The following UNC5D variants were observed in gnomAD, a reference collection of about 807,000 sequenced individuals.
UNC5D encodes the protein netrin receptor UNC5D.
UNC5D carries 39 observed loss-of-function variants against 105.4 expected under a neutral mutation model. The ratio of observed to expected loss-of-function variants is 0.37; its 90% confidence interval spans 0.29 to 0.48. UNC5D has a LOEUF of 0.48. Among genes scored for constraint, UNC5D ranks in the 20% least tolerant of loss-of-function variants. The pLI, the probability that UNC5D is intolerant of heterozygous loss-of-function variation, is 0.98. For synonymous variants in UNC5D, 452 were observed against 450.4 expected, an observed-to-expected ratio of 1.00 and a Z score of -0.04; for missense variants, 991 against 1,202.4, an observed-to-expected ratio of 0.82 and a Z score of 2.60.
At chr8:35,349,077 T>G (rs894326406) in intron 1 of UNC5D, among the ~76,000 whole-genome samples, 1 of 151,932 alleles carries the variant, frequency 6.6e-6, no homozygotes, top group African/African-American at 2.4e-5. Flanking sequence ...ATTCTCATAT[T>G]TGGTTCTGCA....
intron 2 of UNC5D, among the ~76,000 whole-genome samples, chr8:35,557,960 C>T (rs960347914): frequency 2.0e-5 from 3 of 151,900 alleles, no homozygotes; most frequent in South Asian, 4.2e-4. Flanking sequence ...GGTGAAACCC[C>T]GTCTCTACCA....
chr8:35,357,727 A>G (rs1801639573), intron 1 of UNC5D, among the ~76,000 whole-genome samples: 1 of 152,182 alleles, frequency 6.6e-6, no homozygotes. Flanking sequence ...AGCCCCCACC[A>G]TGAAGAATCA....
At chr8:35,669,299 C>G (rs1357282894) in intron 4 of UNC5D, among the ~76,000 whole-genome samples, 1 of 151,846 alleles carries the variant, frequency 6.6e-6, no homozygotes, top group Non-Finnish European at 1.5e-5. Context: ...CTCTCTTTTT[C>G]TCTTTCTTCA....
chr8:35,583,125 G>A (rs965397651), intron 3 of UNC5D, among the ~76,000 whole-genome samples: 1 of 152,222 alleles, frequency 6.6e-6, no homozygotes, highest in African/African-American at 2.4e-5. Flanking sequence ...GCTAAGGCAG[G>A]AAGATTACTT....
intron 1 of UNC5D, among the ~76,000 whole-genome samples, chr8:35,440,980 C>A (rs1427452939): frequency 6.6e-6 from 1 of 151,904 alleles, no homozygotes; most frequent in Non-Finnish European, 1.5e-5. Flanking sequence ...TAGTAAGAGT[C>A]TGCATTTTAT....
intron 10 of UNC5D, among the ~76,000 whole-genome samples, chr8:35,730,704 A>G (rs772441285): frequency 2.0e-5 from 3 of 152,138 alleles, no homozygotes; most frequent in Non-Finnish European, 4.4e-5. Flanking sequence ...GCATTCTCAG[A>G]TATGTTTAAT....
intron 4 of UNC5D, among the ~76,000 whole-genome samples, chr8:35,637,682 G>A: frequency 6.6e-6 from 1 of 152,150 alleles, no homozygotes; most frequent in East Asian, 1.9e-4. Flanking sequence ...GGAGGATTCA[G>A]CCTGCTCTGT....
chr8:35,661,174 G>A (rs1330085624), intron 4 of UNC5D, among the ~76,000 whole-genome samples: 1 of 152,050 alleles, frequency 6.6e-6, no homozygotes, highest in Non-Finnish European at 1.5e-5. Flanking sequence ...CAAGAACAGT[G>A]CTATACATAT....
intron 1 of UNC5D, among the ~76,000 whole-genome samples, chr8:35,454,313 A>G (rs899434922): frequency 6.6e-6 from 1 of 152,178 alleles, no homozygotes; most frequent in Non-Finnish European, 1.5e-5. Flanking sequence ...CACCTCATGC[A>G]GAGATGCAGG....
intron 1 of UNC5D, among the ~76,000 whole-genome samples, chr8:35,342,553 C>T (rs908480027): frequency 1.3e-5 from 2 of 152,058 alleles, no homozygotes; most frequent in East Asian, 3.9e-4. Flanking sequence ...CAGATGTCTG[C>T]TAGGCCACAT....
intron 4 of UNC5D, among the ~76,000 whole-genome samples, chr8:35,652,398 A>G (rs1205807645): frequency 6.7e-6 from 1 of 148,526 alleles, no homozygotes; most frequent in East Asian, 1.9e-4. Context: ...TATTACTCAT[A>G]GAAAATGAGG....
At chr8:35,611,211 A>C (rs1820658847) in intron 4 of UNC5D, among the ~76,000 whole-genome samples, 1 of 152,060 alleles carries the variant, frequency 6.6e-6, no homozygotes, top group Admixed American at 6.6e-5. Context: ...AATGTCTAAC[A>C]TGTTTTTAGC....
chr8:35,542,383 G>A (rs1815339699), intron 1 of UNC5D, among the ~76,000 whole-genome samples: 1 of 152,150 alleles, frequency 6.6e-6, no homozygotes, highest in Non-Finnish European at 1.5e-5. Context: ...TCCTGCTATG[G>A]CTTTCTGCTC....
intron 1 of UNC5D, among the ~76,000 whole-genome samples, chr8:35,536,624 C>T (rs1180922889): frequency 1.3e-5 from 2 of 152,178 alleles, no homozygotes; most frequent in Non-Finnish European, 2.9e-5. Flanking sequence ...TAGTGAAACT[C>T]ATCTCTTGAT....
At chr8:35,503,301 CA>C (rs1223512584) in intron 1 of UNC5D, among the ~76,000 whole-genome samples, 1 of 152,140 alleles carries the variant, frequency 6.6e-6, no homozygotes, top group African/African-American at 2.4e-5. Context: ...TTAATGGATT[CA>C]CAGTTCCACG....
At chr8:35,251,697 C>A (rs894548403) in intron 1 of UNC5D, among the ~76,000 whole-genome samples, 1 of 152,094 alleles carries the variant, frequency 6.6e-6, no homozygotes, top group Non-Finnish European at 1.5e-5. Flanking sequence ...AACATAGGGG[C>A]CCATAAATGG....
chr8:35,516,367 G>GA (rs956420601), intron 1 of UNC5D, among the ~76,000 whole-genome samples: 1 of 152,150 alleles, frequency 6.6e-6, no homozygotes, highest in African/African-American at 2.4e-5. Context: ...TTTTTCTCCT[G>GA]AAAATCTGTT....
chr8:35,536,214 G>A (rs1288594167), intron 1 of UNC5D, among the ~76,000 whole-genome samples: 1 of 152,198 alleles, frequency 6.6e-6, no homozygotes, highest in East Asian at 1.9e-4. Context: ...TCCCAATCAG[G>A]ATAACTGTCA....
chr8:35,596,887 C>T (rs1025772752), intron 4 of UNC5D, among the ~76,000 whole-genome samples: 1 of 152,110 alleles, frequency 6.6e-6, no homozygotes, highest in Non-Finnish European at 1.5e-5. Context: ...CTTGACTTTT[C>T]CCTTTAGCTT....
Sources: allele counts gnomAD v4.1 joint callset (sites outside exome capture counted in the v4.1 genomes callset), GRCh38; gene constraint gnomAD v4.1.1; transcripts MANE v1.5; gene names NCBI Gene and HGNC (gene_info 2026-07-23, HGNC 2026-07-21).